Variants in NDE1 observed in about 807,000 individuals in gnomAD.
The protein encoded by NDE1 is nudE neurodevelopment protein 1.
A neutral mutation model predicts 43.4 loss-of-function variants in NDE1; 28 were observed. The ratio of observed to expected loss-of-function variants is 0.65; its 90% CI spans 0.48 to 0.89. The LOEUF is 0.89. Ranked by LOEUF, NDE1 falls within the 40% of genes least tolerant of loss-of-function variation. NDE1 has a pLI of 0.00. For synonymous variants in NDE1, 184 were observed against 172.0 expected (o/e 1.07, Z -0.55); for missense variants, 441 against 434.1 (o/e 1.02, Z -0.14).
intron 8 of NDE1, among the ~76,000 whole-genome samples, chr16:15,699,072 AAC>A (rs1188663715): frequency 3.3e-5 from 5 of 151,476 alleles, no homozygotes; most frequent in African/African-American, 1.2e-4. Context: ...ATTTTATAGA[AAC>A]AGTCTTGCTA....
At chr16:15,717,542 C>A in intron 8 of NDE1, 4 of 616,630 alleles carry the variant, frequency 6.5e-6, no homozygotes, top group Non-Finnish European at 8.5e-6. Flanking sequence ...CGCCTGTAAT[C>A]CCAGCACTTT....
At chr16:15,690,337 CTTTTTTT>C (rs67220509) in intron 5 of NDE1, among the ~76,000 whole-genome samples, 1 of 74,106 alleles carries the variant, frequency 1.3e-5, no homozygotes, top group Non-Finnish European at 2.7e-5. Context: ...TGCAACTGGC[CTTTTTTT>C]TTTTTTTTCT....
intron 8 of NDE1, chr16:15,703,732 G>T (rs2039305518): frequency 2.0e-6 from 1 of 496,242 alleles, no homozygotes; most frequent in Non-Finnish European, 3.7e-6. Flanking sequence ...GGGACCACAG[G>T]TGTGTACCAC....
At chr16:15,675,469 C>T (rs1470730078) in intron 3 of NDE1, among the ~76,000 whole-genome samples, 4 of 149,770 alleles carry the variant, frequency 2.7e-5, no homozygotes, top group African/African-American at 9.9e-5. Context: ...CGTGGTCTCA[C>T]TCTGTGGCCT....
chr16:15,711,437 T>C (rs576814486), intron 8 of NDE1, among the ~76,000 whole-genome samples: 21 of 152,336 alleles, frequency 1.4e-4, no homozygotes, highest in African/African-American at 2.2e-4. Flanking sequence ...TAGCTAGATA[T>C]TGAACTTGAT....
chr16:15,694,350 TTTC>T (rs1232359857), intron 7 of NDE1, 94 bp downstream of exon 7: 12 of 1,550,928 alleles, frequency 7.7e-6, no homozygotes, highest in Admixed American at 2.0e-5. Context: ...CTCTTCTTTT[TTTC>T]TTTTTTTTTA....
At chr16:15,656,008 T>C (rs373989506) in intron 1 of NDE1, among the ~76,000 whole-genome samples, 20 of 145,392 alleles carry the variant, frequency 1.4e-4, no homozygotes, top group Admixed American at 3.4e-4. Flanking sequence ...AGGGATAGCA[T>C]TGGGAGATAT....
intron 5 of NDE1, 151 bp from the exon 6 acceptor site, chr16:15,690,993 A>G (rs2038720441): frequency 1.2e-6 from 1 of 851,008 alleles, no homozygotes; most frequent in African/African-American, 1.7e-5. Context: ...TTTTCAATAG[A>G]GATGAGGTTT....
rs751612032 is a variant in NDE1 at position 15,696,892 on chromosome 16, G to C, written c.947+32G>C. On this transcript the variant is annotated intron_variant, in intron 8 of 8. Transcript: ENST00000396354. Reference sequence around the variant, plus strand: ...ACCTTCTAATAAACCTCTCGCTGGCGGGGAGAACCCGCCTGCCCCAGGCAA... The same window carrying C: ...ACCTTCTAATAAACCTCTCGCTGGCCGGGAGAACCCGCCTGCCCCAGGCAA... 2.5e-6 allele frequency: 4 copies of C among 1,608,914 alleles called. No homozygotes were observed. In the South Asian group the frequency reaches 3.3e-5, roughly 13 times the overall value.
intron 8 of NDE1, chr16:15,718,103 A>T: frequency 1.4e-6 from 1 of 729,562 alleles, no homozygotes; most frequent in Non-Finnish European, 2.2e-6. Context: ...CTGGAAAATG[A>T]GACACTGCAG....
At chr16:15,714,635 C>T (rs951131781) in intron 8 of NDE1, 6 of 570,790 alleles carry the variant, frequency 1.1e-5, no homozygotes, top group Admixed American at 9.1e-5. Context: ...GTGGGGATAG[C>T]CTCTTCCTCC....
intron 8 of NDE1, chr16:15,700,268 T>G (rs1596645016): frequency 8.4e-6 from 2 of 237,302 alleles, no homozygotes; most frequent in African/African-American, 4.7e-5. Context: ...GGCTGAATTT[T>G]TTGTATTTTT....
chr16:15,715,986 G>A (rs536092146), intron 8 of NDE1, among the ~76,000 whole-genome samples: 2 of 152,220 alleles, frequency 1.3e-5, no homozygotes, highest in African/African-American at 2.4e-5. Flanking sequence ...TACAAGCTGG[G>A]TACAGTGGTG....
At chr16:15,723,329 TGATA>T (rs1381101282) in intron 8 of NDE1, among the ~76,000 whole-genome samples, 1 of 152,058 alleles carries the variant, frequency 6.6e-6, no homozygotes. Context: ...AGATAAGGCA[TGATA>T]GATAGAATTA....
At chr16:15,672,743 G>T (rs1429846275) in intron 3 of NDE1, 3 of 152,156 alleles carry the variant, frequency 2.0e-5, no homozygotes, top group Non-Finnish European at 4.4e-5. Flanking sequence ...CACTCGCTGC[G>T]TCCTCCTGGA....
upstream of NDE1, among the ~76,000 whole-genome samples, chr16:15,646,222 C>G (rs1345177203): frequency 6.6e-6 from 1 of 152,180 alleles, no homozygotes; most frequent in Admixed American, 6.5e-5. Context: ...TTCGGTTTCT[C>G]TGTAAGCTGA....
At chr16:15,701,571 G>A (rs1051925632) in intron 8 of NDE1, 3 of 152,204 alleles carry the variant, frequency 2.0e-5, no homozygotes, top group African/African-American at 7.2e-5. Flanking sequence ...CATTGTAGGA[G>A]GCTTCCTTGT....
intron 5 of NDE1, among the ~76,000 whole-genome samples, chr16:15,688,776 G>A (rs937938000): frequency 8.3e-6 from 1 of 120,002 alleles, no homozygotes; most frequent in African/African-American, 3.2e-5. Flanking sequence ...TCTGCTCACT[G>A]CAACCTCTGC....
At chr16:15,719,801 G>C in intron 8 of NDE1, 1 of 1,569,818 alleles carries the variant, frequency 6.4e-7, no homozygotes, top group Non-Finnish European at 8.7e-7. Context: ...CCCACCCCTT[G>C]GATTTTCTGC....
Sources: gnomAD v4.1 joint callset for allele counts (sites outside exome capture counted in the v4.1 genomes callset) on GRCh38, gnomAD v4.1.1 for gene constraint, MANE v1.5 for transcripts, NCBI Gene and HGNC (gene_info 2026-07-23, HGNC 2026-07-21) for gene names.